The following CLIP2 variants were observed in gnomAD, a reference collection of about 807,000 sequenced individuals.
The protein encoded by CLIP2 is CAP-Gly domain-containing linker protein 2.
CLIP2 carries 41 observed loss-of-function variants against 111.7 expected under a neutral mutation model. The ratio of observed to expected loss-of-function variants is 0.37; its 90% CI spans 0.29 to 0.48. The LOEUF (loss-of-function observed/expected upper bound fraction) is 0.48. Ranked by LOEUF, CLIP2 falls within the 20% of genes least tolerant of loss-of-function variation. The pLI, the probability that CLIP2 is intolerant of heterozygous loss-of-function variation, is 0.99. For synonymous variants in CLIP2, 660 were observed against 644.2 expected, an observed-to-expected ratio of 1.02 and a Z score of -0.37; for missense variants, 1,160 against 1,422.1, an observed-to-expected ratio of 0.82 and a Z score of 2.96.
chr7:74,300,297 T>C (rs1788295989), intron 1 of CLIP2, among the ~76,000 whole-genome samples: 1 of 151,532 alleles, frequency 6.6e-6, no homozygotes. Flanking sequence ...TCTTCCCACC[T>C]TTTGTAGTCT....
In CLIP2 at chr7:74,342,924, A is replaced by G. The variant is rs192110754; in HGVS notation, c.678+3920A>G. On this transcript the variant is annotated intron_variant, in intron 3 of 16. Transcript: ENST00000223398. The stretch of plus-strand genomic sequence containing the variant: ...GTGGCGGGAGCCTGTAGTCCCAGCT[A>G]CTCGGGAGGCTGAGGCAGGAGAATG... Among the ~76,000 whole-genome samples, 728 of 151,716 alleles carry G rather than the reference A, an allele frequency of 4.8e-3. 2 individuals are homozygous for G. The highest frequency in any genetic ancestry group is 8.2e-3 in the Non-Finnish European group (558 of 67,920).
At chr7:74,302,226 A>T (rs567521321) in intron 1 of CLIP2, among the ~76,000 whole-genome samples, 17 of 151,668 alleles carry the variant, frequency 1.1e-4, no homozygotes, top group African/African-American at 3.9e-4. Context: ...TATTTTAAAA[A>T]TTTTTTTGAA....
chr7:74,381,129 CCTT>C (rs1188489045), intron 11 of CLIP2: 1 of 269,086 alleles, frequency 3.7e-6, no homozygotes, highest in Non-Finnish European at 6.9e-6. Context: ...GAATATCAAA[CCTT>C]ATTATTTGTT....
chr7:74,385,528 T>C (rs1554314637), intron 11 of CLIP2, among the ~76,000 whole-genome samples: 1 of 151,674 alleles, frequency 6.6e-6, no homozygotes. Context: ...ATTCCCTTTA[T>C]AAATTAACTT....
chr7:74,387,819 G>A (rs541151691), intron 12 of CLIP2, among the ~76,000 whole-genome samples: 1 of 152,320 alleles, frequency 6.6e-6, no homozygotes, highest in African/African-American at 2.4e-5. Flanking sequence ...GGATTGATCT[G>A]TTTATTGTAC....
At position 74,357,265 on chromosome 7, in the gene CLIP2, C is replaced by G; in HGVS notation, c.1018-15C>G. The G allele has an allele frequency of 6.2e-7, 1 of 1,613,134 alleles. No homozygotes were observed. Among genetic ancestry groups the G allele is most frequent in the Non-Finnish European group, 8.5e-7 (1 of 1,179,324 alleles). On this transcript the variant is annotated splice_polypyrimidine_tract_variant and intron_variant, in intron 5 of 16. Transcript: ENST00000223398. Reference sequence around the variant, plus strand: ...CAGATCCCTGAGACCCGCCTGCATCCACACCTTCCTGCAGCTCACGGAGAC... The same window carrying G: ...CAGATCCCTGAGACCCGCCTGCATCGACACCTTCCTGCAGCTCACGGAGAC...
At chr7:74,328,668 G>T (rs1554730918) in intron 2 of CLIP2, among the ~76,000 whole-genome samples, 1 of 152,182 alleles carries the variant, frequency 6.6e-6, no homozygotes, top group Non-Finnish European at 1.5e-5. Context: ...GTGATCCTAA[G>T]GGTAAAGTGC....
At chr7:74,352,806 C>T (rs1790045154) in intron 3 of CLIP2, among the ~76,000 whole-genome samples, 1 of 151,756 alleles carries the variant, frequency 6.6e-6, no homozygotes, top group Non-Finnish European at 1.5e-5. Context: ...GCCCGGAGTT[C>T]CAGACCAGCT....
At chr7:74,294,409 G>GGAC (rs1166796019) in intron 1 of CLIP2, among the ~76,000 whole-genome samples, 3 of 152,184 alleles carry the variant, frequency 2.0e-5, no homozygotes, top group African/African-American at 7.2e-5. Flanking sequence ...CCTGAATTTA[G>GGAC]GACCTTCTCT....
intron 14 of CLIP2, 79 bp from the exon 15 acceptor site, chr7:74,400,291 C>A: frequency 7.8e-7 from 1 of 1,277,350 alleles, no homozygotes; most frequent in Non-Finnish European, 1.1e-6. Flanking sequence ...GGCTGGAAGA[C>A]TTTCCTGCCT....
chr7:74,317,578 G>T lies in CLIP2; in HGVS notation c.32G>T (p.Gly11Val). ...AAGCCCAGCGGCCTGAAGCCCCCCG[G>T]CCGTGGGGGGAAGCACTCCAGCCCC... MQKPSGLKPP[G>V]RGGKHSSPMG... The change falls in exon 2 of 17, where the codon GGC becomes GTC. Residue 11 changes from glycine (G) to valine (V), a missense_variant. Transcript: ENST00000223398. 1 of 1,493,000 alleles carries T rather than the reference G, an allele frequency of 6.7e-7. No homozygotes were observed. Among genetic ancestry groups the T allele is most frequent in the Non-Finnish European group, 9.0e-7 (1 of 1,114,752 alleles). 92.5% of individuals were successfully genotyped at this position (1,493,000 alleles called of 1,614,324 possible).
At chr7:74,399,998 G>A (rs2116712712) in intron 14 of CLIP2, among the ~76,000 whole-genome samples, 1 of 151,676 alleles carries the variant, frequency 6.6e-6, no homozygotes, top group South Asian at 2.1e-4. Context: ...ACTAAAAATA[G>A]GAAAAAATTA....
At chr7:74,320,451 G>A (rs1282137959) in intron 2 of CLIP2, among the ~76,000 whole-genome samples, 2 of 152,086 alleles carry the variant, frequency 1.3e-5, no homozygotes, top group East Asian at 3.9e-4. Context: ...GAGCCCAGGA[G>A]GTCGAGGCTG....
At chr7:74,314,109 G>A (rs1788709896) in intron 1 of CLIP2, among the ~76,000 whole-genome samples, 1 of 150,388 alleles carries the variant, frequency 6.6e-6, no homozygotes, top group Non-Finnish European at 1.5e-5. Context: ...TTGAAACCAG[G>A]AGATGGAGGT....
At chr7:74,360,968 G>A (rs1012477127) in intron 7 of CLIP2, among the ~76,000 whole-genome samples, 28 of 152,066 alleles carry the variant, frequency 1.8e-4, no homozygotes, top group African/African-American at 6.8e-4. Context: ...TGTCCCTGGG[G>A]AGCCGTGCAC....
At chr7:74,329,550 ATTGT>A (rs138221844) in intron 2 of CLIP2, among the ~76,000 whole-genome samples, 3,125 of 151,912 alleles carry the variant, frequency 0.021, 78 homozygotes, top group African/African-American at 0.06. Flanking sequence ...TGGAGGTTAA[ATTGT>A]TTGTTTGTTT....
chr7:74,290,946 A>G (rs897985597), intron 1 of CLIP2, among the ~76,000 whole-genome samples: 1 of 152,052 alleles, frequency 6.6e-6, no homozygotes, highest in Non-Finnish European at 1.5e-5. Flanking sequence ...CCCCTGGAGG[A>G]TGGGGCAGAC....
intron 3 of CLIP2, among the ~76,000 whole-genome samples, chr7:74,353,347 T>G (rs1584353333): frequency 6.6e-6 from 1 of 151,080 alleles, no homozygotes; most frequent in Non-Finnish European, 1.5e-5. Flanking sequence ...ACCTCCTGGG[T>G]TCATGCCATT....
At chr7:74,388,012 G>A (rs1791166307) in intron 12 of CLIP2, among the ~76,000 whole-genome samples, 1 of 152,046 alleles carries the variant, frequency 6.6e-6, no homozygotes, top group Non-Finnish European at 1.5e-5. Flanking sequence ...ACATTGTGAG[G>A]CCTCATTTCT....
Sources: gnomAD v4.1 joint callset for allele counts (sites outside exome capture counted in the v4.1 genomes callset) on GRCh38, gnomAD v4.1.1 for gene constraint, MANE v1.5 for transcripts, NCBI Gene and HGNC (gene_info 2026-07-23, HGNC 2026-07-21) for gene names.